Variants in SLC5A11 observed in about 807,000 individuals in gnomAD.
The protein encoded by SLC5A11 is sodium/myo-inositol cotransporter 2.
In SLC5A11, 48 loss-of-function variants were observed where a neutral mutation model predicts 69.8. The observed-to-expected ratio is 0.69, with a 90% CI of 0.55 to 0.87. The LOEUF (loss-of-function observed/expected upper bound fraction) is 0.87, where lower values mean the gene tolerates loss of function less well. SLC5A11 is among the 40% of genes least tolerant of loss of function. SLC5A11 has a pLI of 0.00. For missense variants in SLC5A11, 784 were observed against 866.1 expected (o/e 0.91, Z 1.19); for synonymous variants, 319 against 342.4 (o/e 0.93, Z 0.75).
intron 9 of SLC5A11, among the ~76,000 whole-genome samples, chr16:24,896,059 CTTTTTT>C (rs11378871): frequency 6.9e-6 from 1 of 144,562 alleles, no homozygotes; most frequent in Non-Finnish European, 1.5e-5. Context: ...TAAAAAGGCT[CTTTTTT>C]TTTTTTTTCT....
At chr16:24,874,127 T>G (rs1360426601) in intron 5 of SLC5A11, among the ~76,000 whole-genome samples, 3 of 152,098 alleles carry the variant, frequency 2.0e-5, no homozygotes, top group Non-Finnish European at 4.4e-5. Context: ...GCACCCAGCT[T>G]GGAGGTAATA....
At chr16:24,905,313 C>T (rs111728055) in intron 10 of SLC5A11, among the ~76,000 whole-genome samples, 2,093 of 145,518 alleles carry the variant, frequency 0.014, 60 homozygotes, top group African/African-American at 0.051. Context: ...TGTGGTGGCA[C>T]GCCTATAATA....
chr16:24,902,338 A>G (rs1376457014), intron 10 of SLC5A11, among the ~76,000 whole-genome samples: 2 of 152,120 alleles, frequency 1.3e-5, no homozygotes, highest in Non-Finnish European at 2.9e-5. Flanking sequence ...GGAAAAAAAA[A>G]AGGAATCCAG....
At chr16:24,882,065 C>A (rs757076972) in intron 7 of SLC5A11, among the ~76,000 whole-genome samples, 37 of 152,262 alleles carry the variant, frequency 2.4e-4, no homozygotes, top group Non-Finnish European at 4.6e-4. Context: ...AAGGGGAGGG[C>A]AGGCTGCCAT....
chr16:24,857,927 G>T (rs2059603950), intron 1 of SLC5A11, among the ~76,000 whole-genome samples: 1 of 152,176 alleles, frequency 6.6e-6, no homozygotes, highest in Non-Finnish European at 1.5e-5. Context: ...GATTTGCAGG[G>T]TACTGAGAAA....
chr16:24,886,313 A>G (rs551408866), intron 8 of SLC5A11, among the ~76,000 whole-genome samples: 106 of 152,244 alleles, frequency 7.0e-4, no homozygotes, highest in Non-Finnish European at 1.2e-3. Context: ...GATTATAGGC[A>G]TGAGCCACCA....
intron 13 of SLC5A11, 29 bp downstream of exon 14, chr16:24,908,160 G>C: frequency 3.9e-6 from 6 of 1,544,622 alleles, no homozygotes; most frequent in Non-Finnish European, 5.2e-6. Context: ...CACTATGCCA[G>C]AACCAAGTGC....
At chr16:24,899,717 T>A (rs1227015651) in intron 10 of SLC5A11, among the ~76,000 whole-genome samples, 3 of 151,672 alleles carry the variant, frequency 2.0e-5, no homozygotes, top group African/African-American at 7.3e-5. Context: ...TACTTTTTCT[T>A]TTTTTTAGGT....
intron 7 of SLC5A11, among the ~76,000 whole-genome samples, chr16:24,883,827 T>A (rs563901654): frequency 6.6e-6 from 1 of 152,336 alleles, no homozygotes; most frequent in East Asian, 1.9e-4. Flanking sequence ...GCCAAGCCCA[T>A]GTGAGAAGCG....
chr16:24,899,217 G>A (rs1224195108), intron 10 of SLC5A11, among the ~76,000 whole-genome samples: 1 of 152,126 alleles, frequency 6.6e-6, no homozygotes, highest in Non-Finnish European at 1.5e-5. Context: ...AAGTCCTATA[G>A]GTATCCCAGG....
At chr16:24,876,946 G>A (rs2152320147) in intron 6 of SLC5A11, 1 of 353,366 alleles carries the variant, frequency 2.8e-6, no homozygotes, top group Non-Finnish European at 4.0e-6. Flanking sequence ...AAGAGTTTGA[G>A]TGGGGAGGAG....
intron 12 of SLC5A11, 89 bp downstream of exon 13, chr16:24,907,264 C>G (rs1252418858): frequency 4.1e-6 from 6 of 1,464,374 alleles, no homozygotes; most frequent in African/African-American, 1.4e-5. Context: ...AGCAACCTAT[C>G]CAGGCTGAAG....
At position 24,851,627 on chromosome 16, in the gene SLC5A11, A is replaced by G. The variant is rs150811663; in HGVS notation, c.-25+5189A>G. Among the ~76,000 whole-genome samples the G allele has an allele frequency of 2.6e-3, 397 of 152,308 alleles. 2 individuals are homozygous for G. The highest frequency in any genetic ancestry group is 9.4e-3 in the African/African-American group (389 of 41,552). The stretch of plus-strand genomic sequence containing the variant: ...CCCAAGTCATGCTTTCTTTAAAAAA[A>G]ATGGTTTTATAAAATGGACGGGGAA... On this transcript the variant is annotated intron_variant, in intron 1 of 15. Coordinates refer to ENST00000347898, the Ensembl canonical transcript of SLC5A11.
chr16:24,864,810 A>ATT (rs61559358), intron 3 of SLC5A11, among the ~76,000 whole-genome samples: 34 of 151,858 alleles, frequency 2.2e-4, no homozygotes, highest in Non-Finnish European at 2.4e-4. Flanking sequence ...AAAGAGATAG[A>ATT]TTTTTTTTTA....
At chr16:24,865,100 T>C (rs1056495479) in intron 3 of SLC5A11, among the ~76,000 whole-genome samples, 1 of 152,150 alleles carries the variant, frequency 6.6e-6, no homozygotes, top group Non-Finnish European at 1.5e-5. Flanking sequence ...GAAATAGTGG[T>C]TTAAAATTGA....
In SLC5A11 at chr16:24,911,481, A is replaced by AG. The variant is rs2050526083; in HGVS notation, c.1976_1977insG (p.Asn659LysfsTer?). On this transcript the variant is annotated frameshift_variant, in exon 16 of 16. Coordinates refer to ENST00000347898, the Ensembl canonical transcript of SLC5A11. LOFTEE classifies it high-confidence loss of function. The stretch of plus-strand genomic sequence containing the variant: ...TTGGTGAAGACCCTCCTGGACGTCA[A>AG]CCTCATTTTCTGCGTGAGCTGCGCC... 1 of 1,614,068 alleles carries AG rather than the reference A, an allele frequency of 6.2e-7. No homozygotes were observed. Among genetic ancestry groups the AG allele is most frequent in the African/African-American group, 1.3e-5 (1 of 75,010 alleles).
chr16:24,900,672 G>A (rs2049513295), intron 10 of SLC5A11, among the ~76,000 whole-genome samples: 1 of 152,170 alleles, frequency 6.6e-6, no homozygotes, highest in South Asian at 2.1e-4. Flanking sequence ...CAGCACTTTG[G>A]CAGGCTGAGG....
intron 5 of SLC5A11, among the ~76,000 whole-genome samples, chr16:24,873,243 G>GAGGGAGGGAGGGAGGA (rs2047433873): frequency 8.8e-6 from 1 of 113,828 alleles, no homozygotes. Flanking sequence ...TGGAGAGAGG[G>GAGGGAGGGAGGGAGGA]AGGGAGGAAG....
intron 9 of SLC5A11, among the ~76,000 whole-genome samples, chr16:24,895,998 G>T (rs1196522589): frequency 6.6e-6 from 1 of 151,778 alleles, no homozygotes; most frequent in Non-Finnish European, 1.5e-5. Context: ...GTTCTTTGAT[G>T]ATTTAGTGAG....
Sources: gnomAD v4.1 joint callset for allele counts (sites outside exome capture counted in the v4.1 genomes callset) on GRCh38, gnomAD v4.1.1 for gene constraint, MANE v1.5 for transcripts, NCBI Gene and HGNC (gene_info 2026-07-23, HGNC 2026-07-21) for gene names.